EYA4: variants seen among roughly 807,000 people sequenced by gnomAD.
EYA4 encodes the protein EYA transcriptional coactivator and phosphatase 4, also known as protein phosphatase EYA4.
Under a neutral mutation model 87.9 loss-of-function variants are expected in EYA4, and 31 were observed. The observed-to-expected ratio is 0.35, with a 90% CI of 0.27 to 0.48. The LOEUF (loss-of-function observed/expected upper bound fraction) is 0.48, where lower values mean the gene tolerates loss of function less well. Ranked by LOEUF, EYA4 falls within the 20% of genes least tolerant of loss-of-function variation. The pLI, the probability that EYA4 is intolerant of heterozygous loss-of-function variation, is 0.99. For synonymous variants in EYA4, 263 were observed against 270.6 expected (o/e 0.97, Z 0.28); for missense variants, 678 against 761.4 (o/e 0.89, Z 1.29).
At chr6:133,297,922 G>A (rs1417826860) in intron 2 of EYA4, among the ~76,000 whole-genome samples, 2 of 152,172 alleles carry the variant, frequency 1.3e-5, no homozygotes, top group Admixed American at 1.3e-4. Flanking sequence ...CATTCACTCA[G>A]TGGTTTTAGC....
intron 2 of EYA4, among the ~76,000 whole-genome samples, chr6:133,285,708 C>T (rs1778002157): frequency 6.6e-6 from 1 of 152,134 alleles, no homozygotes; most frequent in South Asian, 2.1e-4. Context: ...TTTAACTATC[C>T]AGATGAAAAA....
At chr6:133,251,180 A>G (rs1175795364) in intron 1 of EYA4, among the ~76,000 whole-genome samples, 1 of 152,224 alleles carries the variant, frequency 6.6e-6, no homozygotes, top group African/African-American at 2.4e-5. Flanking sequence ...GTGGTTCCTT[A>G]ACTACTTTAA....
At chr6:133,506,004 C>G in intron 13 of EYA4, 102 bp from the exon 14 acceptor site, 1 of 771,962 alleles carries the variant, frequency 1.3e-6, no homozygotes, top group Non-Finnish European at 2.3e-6. Flanking sequence ...AAAACCCATG[C>G]AGTCTTCTCC....
intron 3 of EYA4, among the ~76,000 whole-genome samples, chr6:133,386,049 T>G (rs1786721990): frequency 6.6e-6 from 1 of 152,206 alleles, no homozygotes; most frequent in East Asian, 1.9e-4. Flanking sequence ...GTTTTTCTTT[T>G]TTTGCTTTCC....
chr6:133,484,394 C>T (rs962006754), intron 13 of EYA4, among the ~76,000 whole-genome samples: 1 of 152,122 alleles, frequency 6.6e-6, no homozygotes, highest in East Asian at 1.9e-4. Flanking sequence ...GATAAAATTG[C>T]GTTGAAGTCT....
chr6:133,401,172 T>C (rs1467796490), intron 3 of EYA4, among the ~76,000 whole-genome samples: 7 of 152,160 alleles, frequency 4.6e-5, no homozygotes, highest in African/African-American at 1.4e-4. Flanking sequence ...CTCACTCCTA[T>C]GTAGGAGCTA....
chr6:133,310,591 T>TA, intron 2 of EYA4, among the ~76,000 whole-genome samples: 1 of 152,208 alleles, frequency 6.6e-6, no homozygotes, highest in East Asian at 1.9e-4. Flanking sequence ...TTTGAGGACT[T>TA]ACGAACTTGA....
At chr6:133,507,354 G>A (rs1035897969) in intron 14 of EYA4, 1 of 146,048 alleles carries the variant, frequency 6.8e-6, no homozygotes, top group African/African-American at 2.6e-5. Flanking sequence ...AGAAAGAAAA[G>A]CCAAGTTATT....
At chr6:133,293,960 G>A (rs910637203) in intron 2 of EYA4, among the ~76,000 whole-genome samples, 1 of 103,424 alleles carries the variant, frequency 9.7e-6, no homozygotes, top group African/African-American at 4.3e-5. Context: ...TATAAATATA[G>A]ATATTATTTT....
At chr6:133,367,617 T>G (rs747065186) in intron 2 of EYA4, among the ~76,000 whole-genome samples, 1 of 152,176 alleles carries the variant, frequency 6.6e-6, no homozygotes, top group African/African-American at 2.4e-5. Context: ...CTGACTCTCA[T>G]AGATTGATGG....
At chr6:133,306,902 G>A (rs1295721736) in intron 2 of EYA4, among the ~76,000 whole-genome samples, 1 of 152,130 alleles carries the variant, frequency 6.6e-6, no homozygotes, top group Non-Finnish European at 1.5e-5. Context: ...TTGCAACAAA[G>A]CAGGGTATGA....
intron 2 of EYA4, among the ~76,000 whole-genome samples, chr6:133,287,418 G>A (rs187528280): frequency 3.0e-4 from 46 of 152,264 alleles, no homozygotes; most frequent in Middle Eastern, 3.4e-3. Flanking sequence ...AAAGCTCAGA[G>A]GTACCAAATA....
chr6:133,420,370 A>G (rs1790114913), intron 3 of EYA4, among the ~76,000 whole-genome samples: 1 of 152,226 alleles, frequency 6.6e-6, no homozygotes, highest in African/African-American at 2.4e-5. Flanking sequence ...ACTACAAACA[A>G]TATGTTGCAT....
intron 2 of EYA4, among the ~76,000 whole-genome samples, chr6:133,310,316 A>G (rs905724200): frequency 6.6e-6 from 1 of 152,110 alleles, no homozygotes; most frequent in East Asian, 1.9e-4. Context: ...CTACTTCACT[A>G]TCTATATGAT....
Position 133,456,603 on chromosome 6 carries a change from A to G in EYA4, c.325A>G (p.Thr109Ala). The G allele has an allele frequency of 6.2e-7, 1 of 1,613,744 alleles. No homozygotes were observed. The highest frequency in any genetic ancestry group is 8.5e-7 in the Non-Finnish European group (1 of 1,179,696). Residue 109 changes from threonine (T) to alanine (A), a missense_variant, in exon 6 of 20, where the codon ACA becomes GCA. By Grantham distance (58) the Thr-to-Ala change is moderately conservative. Coordinates refer to ENST00000355286, the MANE Select transcript of EYA4 (RefSeq NM_004100.5). ...AGAGCCCTTGAACAGCAGTGAAACC[A>G]CAGCCACGACTGGAGATGGAGCGCT... ...KTEPLNSSET[T>A]ATTGDGALDT...
chr6:133,350,459 T>C (rs1783555760), intron 2 of EYA4, among the ~76,000 whole-genome samples: 1 of 152,072 alleles, frequency 6.6e-6, no homozygotes, highest in East Asian at 1.9e-4. Context: ...ATGGGGACTT[T>C]TGAGCACAGA....
chr6:133,517,461 A>G (rs770206728), intron 17 of EYA4, among the ~76,000 whole-genome samples: 13 of 152,124 alleles, frequency 8.5e-5, no homozygotes, highest in South Asian at 2.1e-4. Context: ...TAATAAATGT[A>G]TGGGGAACAC....
chr6:133,301,645 T>G (rs996029338), intron 2 of EYA4, among the ~76,000 whole-genome samples: 1 of 152,240 alleles, frequency 6.6e-6, no homozygotes, highest in Non-Finnish European at 1.5e-5. Context: ...TTCTATTTTA[T>G]AGGGAAATTG....
chr6:133,286,208 G>A (rs1054473409), intron 2 of EYA4, among the ~76,000 whole-genome samples: 5 of 152,166 alleles, frequency 3.3e-5, no homozygotes, highest in African/African-American at 1.2e-4. Flanking sequence ...ACGCTGGATT[G>A]CTAGTGCACT....
Sources: allele counts gnomAD v4.1 joint callset (sites outside exome capture counted in the v4.1 genomes callset), GRCh38; gene constraint gnomAD v4.1.1; transcripts MANE v1.5; gene names NCBI Gene and HGNC (gene_info 2026-07-23, HGNC 2026-07-21).